Variants in ARHGAP24 observed in about 807,000 individuals in gnomAD.
ARHGAP24 encodes the protein rho GTPase-activating protein 24.
In ARHGAP24, 50 loss-of-function variants were observed where a neutral mutation model predicts 76.4. That is an observed-to-expected ratio of 0.65 (90% CI 0.52 to 0.83). The LOEUF is 0.83. Ranked by LOEUF, ARHGAP24 falls within the 40% of genes least tolerant of loss-of-function variation. The probability of loss-of-function intolerance (pLI) is 0.00; values close to 1 mark genes in which losing one functional copy is unlikely to be tolerated. For missense variants in ARHGAP24, 930 were observed against 914.2 expected, an observed-to-expected ratio of 1.02 and a Z score of -0.22; for synonymous variants, 345 against 323.3, an observed-to-expected ratio of 1.07 and a Z score of -0.72.
intron 2 of ARHGAP24, among the ~76,000 whole-genome samples, chr4:85,654,029 A>G (rs76242344): frequency 0.17 from 25,764 of 152,100 alleles, 3,337 homozygotes; most frequent in East Asian, 0.56. Flanking sequence ...GTACTAGAGT[A>G]TGTATTACAA....
intron 4 of ARHGAP24, 133 bp from the exon 5 acceptor site, chr4:85,941,933 G>A (rs1236311999): frequency 1.4e-5 from 12 of 867,962 alleles, no homozygotes; most frequent in Middle Eastern, 3.4e-4. Flanking sequence ...GTATAATAAT[G>A]TGAAATACTG....
chr4:85,660,830 G>A (rs1722356651), intron 2 of ARHGAP24, among the ~76,000 whole-genome samples: 1 of 139,100 alleles, frequency 7.2e-6, no homozygotes, highest in Non-Finnish European at 1.6e-5. Flanking sequence ...TGTAGATGGG[G>A]ATTGTTTAGA....
intron 3 of ARHGAP24, among the ~76,000 whole-genome samples, chr4:85,746,778 A>G (rs1726057759): frequency 6.6e-6 from 1 of 152,010 alleles, no homozygotes; most frequent in East Asian, 1.9e-4. Context: ...CAGCCTCCCA[A>G]GTAGCTGGGA....
chr4:85,758,964 T>C (rs779639434), intron 3 of ARHGAP24, among the ~76,000 whole-genome samples: 2 of 152,188 alleles, frequency 1.3e-5, no homozygotes, highest in African/African-American at 2.4e-5. Context: ...TTTTTATCGT[T>C]ACGCTACTTC....
At chr4:85,907,247 G>T (rs1394070245) in intron 3 of ARHGAP24, among the ~76,000 whole-genome samples, 2 of 152,128 alleles carry the variant, frequency 1.3e-5, no homozygotes, top group African/African-American at 4.8e-5. Flanking sequence ...TGGTCAGCTT[G>T]TCATTTGGCT....
At chr4:85,744,750 T>C (rs1725962874) in intron 3 of ARHGAP24, among the ~76,000 whole-genome samples, 1 of 152,216 alleles carries the variant, frequency 6.6e-6, no homozygotes, top group Non-Finnish European at 1.5e-5. Flanking sequence ...TCATCTTTCA[T>C]ATTGGTTTGG....
intron 8 of ARHGAP24, among the ~76,000 whole-genome samples, chr4:85,981,338 A>G (rs1739657374): frequency 6.6e-6 from 1 of 152,214 alleles, no homozygotes; most frequent in African/African-American, 2.4e-5. Flanking sequence ...GCATGTGACA[A>G]ATATGTATTC....
At chr4:85,969,556 G>A (rs1235628573) in intron 5 of ARHGAP24, among the ~76,000 whole-genome samples, 4 of 152,058 alleles carry the variant, frequency 2.6e-5, no homozygotes, top group Non-Finnish European at 5.9e-5. Context: ...ACAAATCTGA[G>A]TCATGATGGT....
chr4:85,730,074 A>G (rs1390724961), intron 3 of ARHGAP24, among the ~76,000 whole-genome samples: 1 of 152,160 alleles, frequency 6.6e-6, no homozygotes, highest in Non-Finnish European at 1.5e-5. Context: ...CAATATTTTT[A>G]TTTAGAAGTT....
intron 2 of ARHGAP24, among the ~76,000 whole-genome samples, chr4:85,632,968 T>G (rs898480777): frequency 1.3e-5 from 2 of 151,812 alleles, no homozygotes; most frequent in Non-Finnish European, 2.9e-5. Context: ...TTCCAATGGG[T>G]AACATTTTTT....
chr4:85,725,416 T>C (rs1725132754), intron 3 of ARHGAP24, among the ~76,000 whole-genome samples: 1 of 152,244 alleles, frequency 6.6e-6, no homozygotes, highest in Non-Finnish European at 1.5e-5. Context: ...TTTTCTCCCC[T>C]GTTCCCGCAA....
chr4:85,722,182 G>C, intron 3 of ARHGAP24: 2 of 500,782 alleles, frequency 4.0e-6, no homozygotes, highest in Non-Finnish European at 7.3e-6. Context: ...ATAACTACTG[G>C]ATTTTCATTT....
chr4:85,601,199 G>GAAATTATAACTGTTCTGT (rs371025716), intron 2 of ARHGAP24, among the ~76,000 whole-genome samples: 7 of 152,216 alleles, frequency 4.6e-5, no homozygotes, highest in African/African-American at 1.7e-4. Context: ...CCATGGAAGT[G>GAAATTATAACTGTTCTGT]AAATTATAAC....
At chr4:85,930,769 C>T in intron 4 of ARHGAP24, 1 of 1,397,006 alleles carries the variant, frequency 7.2e-7, no homozygotes, top group Non-Finnish European at 9.3e-7. Context: ...GAGGTGGTAA[C>T]TTATCCCTAA....
intron 4 of ARHGAP24, among the ~76,000 whole-genome samples, chr4:85,941,361 C>T (rs1184089783): frequency 6.6e-6 from 1 of 152,184 alleles, no homozygotes; most frequent in Non-Finnish European, 1.5e-5. Context: ...TTTATTGCCA[C>T]CCTGTACTGC....
intron 2 of ARHGAP24, among the ~76,000 whole-genome samples, chr4:85,716,370 A>T (rs1041027404): frequency 2.2e-4 from 34 of 152,140 alleles, no homozygotes; most frequent in African/African-American, 8.2e-4. Context: ...TTTGTTTATC[A>T]TATTTCATTT....
intron 3 of ARHGAP24, among the ~76,000 whole-genome samples, chr4:85,800,722 C>G (rs1231856739): frequency 6.6e-6 from 1 of 152,214 alleles, no homozygotes; most frequent in Non-Finnish European, 1.5e-5. Flanking sequence ...GCAACTGAAA[C>G]AGTCTACATT....
intron 2 of ARHGAP24, among the ~76,000 whole-genome samples, chr4:85,605,333 A>C (rs944598152): frequency 1.3e-5 from 2 of 152,214 alleles, no homozygotes; most frequent in African/African-American, 4.8e-5. Flanking sequence ...TACTCTTTCC[A>C]GATGGGAAGT....
At chr4:85,702,370 A>G (rs1724127132) in intron 2 of ARHGAP24, among the ~76,000 whole-genome samples, 1 of 152,242 alleles carries the variant, frequency 6.6e-6, no homozygotes, top group Non-Finnish European at 1.5e-5. Flanking sequence ...TCTTAAAATT[A>G]GAATAATGCA....
Sources: allele counts gnomAD v4.1 joint callset (sites outside exome capture counted in the v4.1 genomes callset), GRCh38; gene constraint gnomAD v4.1.1; transcripts MANE v1.5; gene names NCBI Gene and HGNC (gene_info 2026-07-23, HGNC 2026-07-21).